Variants in FMO1 observed in about 807,000 individuals in gnomAD.
FMO1 encodes flavin containing dimethylaniline monoxygenase 1, also known as flavin-containing monooxygenase 1.
FMO1 carries 36 observed loss-of-function variants against 45.4 expected under a neutral mutation model. The observed-to-expected ratio is 0.79, with a 90% CI of 0.61 to 1.05. FMO1 has a LOEUF of 1.05. FMO1 is among the 50% of genes least tolerant of loss of function. The pLI is 0.00. For synonymous variants in FMO1, 228 were observed against 227.2 expected, an observed-to-expected ratio of 1.00 and a Z score of -0.03; for missense variants, 615 against 640.3, an observed-to-expected ratio of 0.96 and a Z score of 0.43.
In FMO1 at chr1:171,280,869, A is replaced by G. The variant is rs112121263; in HGVS notation, c.711A>G (p.Thr237=). Residue 237 remains threonine (T), a synonymous_variant, in exon 6 of 9, where the codon ACA becomes ACG. Coordinates refer to ENST00000617670, the MANE Select transcript of FMO1 (RefSeq NM_001282693.2). ...SGYPWDMVFM[T]RFQNMLRNSL... Reference sequence around the variant, plus strand: ...ACCCATGGGACATGGTGTTCATGACACGCTTTCAGAACATGTTGAGAAATT... The same window carrying G: ...ACCCATGGGACATGGTGTTCATGACGCGCTTTCAGAACATGTTGAGAAATT... 166 of 1,613,958 alleles carry G rather than the reference A, an allele frequency of 1.0e-4. No individual in the cohort carries two copies. The African/African-American group carries it at 1.6e-3, about 16-fold the overall frequency.
intron 1 of FMO1, among the ~76,000 whole-genome samples, chr1:171,256,822 AT>A (rs1660180507): frequency 6.6e-6 from 1 of 152,192 alleles, no homozygotes; most frequent in Non-Finnish European, 1.5e-5. Context: ...AAAATAGCAA[AT>A]TTTTAGAAAA....
intron 1 of FMO1, chr1:171,257,658 A>G (rs1295221094): frequency 9.3e-6 from 2 of 214,098 alleles, no homozygotes; most frequent in Admixed American, 5.3e-5. Context: ...CACCACACCA[A>G]TCGGAGCTTC....
In FMO1 at chr1:171,267,740, C is replaced by A; in HGVS notation, c.321+9C>A. 6.3e-7 allele frequency: 1 copy of A among 1,595,996 alleles called. No individual in the cohort carries two copies. Among genetic ancestry groups the A allele is most frequent in the South Asian group, 1.1e-5 (1 of 88,380 alleles). Reference sequence around the variant, plus strand: ...AACACATTCAATTCAAGGTAAGACACAAAACATCAGTTAGTAGTCAGAAAG... The same window carrying A: ...AACACATTCAATTCAAGGTAAGACAAAAAACATCAGTTAGTAGTCAGAAAG... On this transcript the variant is annotated intron_variant, in intron 3 of 8. Coordinates refer to ENST00000617670, the MANE Select transcript of FMO1 (RefSeq NM_001282693.2).
At chr1:171,267,237 C>T (rs1357365247) in intron 2 of FMO1, among the ~76,000 whole-genome samples, 1 of 152,132 alleles carries the variant, frequency 6.6e-6, no homozygotes, top group Non-Finnish European at 1.5e-5. Flanking sequence ...ATATGAATCA[C>T]TTCTATATTT....
chr1:171,254,341 C>T (rs989146312), intron 1 of FMO1, among the ~76,000 whole-genome samples: 15 of 152,154 alleles, frequency 9.9e-5, no homozygotes, highest in African/African-American at 3.1e-4. Flanking sequence ...CTGCCCATCT[C>T]GTCCTCCCAA....
At chr1:171,275,982 A>G (rs752805446) in intron 4 of FMO1, among the ~76,000 whole-genome samples, 2 of 152,204 alleles carry the variant, frequency 1.3e-5, no homozygotes, top group Non-Finnish European at 2.9e-5. Context: ...GGCACTGGTC[A>G]ATAGTCAAGA....
intron 1 of FMO1, among the ~76,000 whole-genome samples, chr1:171,255,179 A>T (rs532407276): frequency 2.6e-5 from 4 of 152,192 alleles, no homozygotes; most frequent in Admixed American, 2.0e-4. Flanking sequence ...AATATTTGTC[A>T]TCTAGATGCT....
At chr1:171,284,151 C>T (rs931357779) in intron 8 of FMO1, among the ~76,000 whole-genome samples, 2 of 146,588 alleles carry the variant, frequency 1.4e-5, no homozygotes, top group Non-Finnish European at 3.0e-5. Context: ...TATACATTTT[C>T]ACTTGAAATA....
chr1:171,281,065 A>T (rs1439854040), intron 6 of FMO1, 80 bp downstream of exon 6: 22 of 1,121,696 alleles, frequency 2.0e-5, no homozygotes, highest in Non-Finnish European at 2.8e-5. Context: ...GCCAGGCAGT[A>T]CCACAGCAAC....
intron 3 of FMO1, among the ~76,000 whole-genome samples, chr1:171,268,441 A>G (rs532566947): frequency 1.3e-5 from 2 of 152,310 alleles, no homozygotes; most frequent in South Asian, 4.1e-4. Context: ...TGGCCCATAC[A>G]CAAGAGAACC....
chr1:171,269,168 A>T (rs1660744878), intron 3 of FMO1, among the ~76,000 whole-genome samples: 4 of 152,204 alleles, frequency 2.6e-5, no homozygotes, highest in Admixed American at 2.6e-4. Context: ...AAATCAATAC[A>T]GTAAATTGGT....
intron 8 of FMO1, 143 bp from the exon 9 acceptor site, chr1:171,285,059 A>T: frequency 1.8e-6 from 1 of 553,080 alleles, no homozygotes; most frequent in Non-Finnish European, 3.1e-6. Context: ...GGAGACCGTT[A>T]GATAGGTAGG....
At chr1:171,257,016 G>C (rs899678309) in intron 1 of FMO1, among the ~76,000 whole-genome samples, 1 of 152,184 alleles carries the variant, frequency 6.6e-6, no homozygotes, top group African/African-American at 2.4e-5. Context: ...CCAATTCTTG[G>C]AAATGCTTTT....
chr1:171,262,852 G>A (rs541429368), intron 2 of FMO1, among the ~76,000 whole-genome samples: 1 of 152,246 alleles, frequency 6.6e-6, no homozygotes, highest in African/African-American at 2.4e-5. Context: ...TATAGACCCA[G>A]AAACTGGACC....
chr1:171,254,196 C>T (rs1660042460), intron 1 of FMO1, among the ~76,000 whole-genome samples: 1 of 152,054 alleles, frequency 6.6e-6, no homozygotes, highest in Non-Finnish European at 1.5e-5. Context: ...TCAAGCAATT[C>T]CCCTGCCTCA....
intron 8 of FMO1, among the ~76,000 whole-genome samples, chr1:171,284,165 G>C (rs189872582): frequency 6.9e-5 from 9 of 131,124 alleles, no homozygotes; most frequent in African/African-American, 2.9e-4. Context: ...TGAAATAAAG[G>C]TTCTGTGGCA....
intron 1 of FMO1, among the ~76,000 whole-genome samples, chr1:171,249,701 GTA>G (rs937766117): frequency 8.0e-5 from 12 of 150,352 alleles, no homozygotes; most frequent in African/African-American, 2.7e-4. Flanking sequence ...GTGTGTGTGT[GTA>G]TGTGTGTGTG....
At chr1:171,273,453 C>A (rs186833265) in intron 3 of FMO1, among the ~76,000 whole-genome samples, 1 of 152,266 alleles carries the variant, frequency 6.6e-6, no homozygotes, top group East Asian at 1.9e-4. Flanking sequence ...CTTTTTAATG[C>A]ATCAAAATTT....
chr1:171,269,374 AG>A (rs1381907286), intron 3 of FMO1, among the ~76,000 whole-genome samples: 2 of 152,190 alleles, frequency 1.3e-5, no homozygotes, highest in Non-Finnish European at 2.9e-5. Context: ...AATAAAGTCC[AG>A]GCTGAGATGG....
Sources: allele counts gnomAD v4.1 joint callset (sites outside exome capture counted in the v4.1 genomes callset), GRCh38; gene constraint gnomAD v4.1.1; transcripts MANE v1.5; gene names NCBI Gene and HGNC (gene_info 2026-07-23, HGNC 2026-07-21).